Variants in TSSC4 observed in about 807,000 individuals in gnomAD.
The protein encoded by TSSC4 is U5 small nuclear ribonucleoprotein TSSC4.
For synonymous variants in TSSC4, 259 were observed against 197.9 expected, an observed-to-expected ratio of 1.31 and a Z score of -2.59; for missense variants, 500 against 443.9, an observed-to-expected ratio of 1.13 and a Z score of -1.14.
At chr11:2,402,265 G>A (rs1850168879) in intron 1 of TSSC4, 29 bp from the exon 2 acceptor site, 1 of 261,958 alleles carries the variant, frequency 3.8e-6, no homozygotes, top group Non-Finnish European at 7.4e-6. Flanking sequence ...TCTGAGGTTG[G>A]TCCTCTCCCC....
At position 2,403,311 on chromosome 11, in the gene TSSC4, C is replaced by G. The variant is rs2234279; in HGVS notation, c.678C>G (p.His226Gln). ...TKPVRGVEAR[H>Q]ERKRVLGKVG... ...CAGTCCGAGGGGTCGAAGCCAGACA[C>G]GAGAGGAAGAGGGTCCTGGGGAAGG... The change falls in exon 3 of 3, where the codon CAC becomes CAG. Residue 226 changes from histidine (H) to glutamine (Q), a missense_variant. Physicochemically the swap from His to Gln is conservative, Grantham distance 24. Transcript: ENST00000333256. The G allele has an allele frequency of 0.043, 68,677 of 1,612,150 alleles. 4,417 individuals carry two copies. The highest frequency in any genetic ancestry group is 0.3 in the African/African-American group (22,148 of 74,970).
In TSSC4 at chr11:2,403,738, G is replaced by A; in HGVS notation, c.*115G>A. On this transcript the variant is annotated 3_prime_UTR_variant, in exon 3 of 3. Transcript: ENST00000333256. ...TAGCTGGAATGGGAGGAAGCCTGCA[G>A]GTGGCACCGGTGGCCCTGGCTGCAG... is the stretch of plus-strand genomic sequence containing the variant. The A allele has an allele frequency of 9.1e-7, 1 of 1,103,132 alleles. No individual in the cohort carries two copies. The highest frequency in any genetic ancestry group is 1.2e-6 in the Non-Finnish European group (1 of 812,512). The allele number at this position is 1,103,132 out of a possible 1,614,324, so 68.3% of individuals were successfully genotyped here.
In TSSC4 at chr11:2,403,335, G is replaced by C; in HGVS notation, c.702G>C (p.Lys234Asn). The change falls in exon 3 of 3, where the codon AAG becomes AAC. Residue 234 changes from lysine to asparagine, a missense_variant. Transcript: ENST00000333256. ...ARHERKRVLG[K>N]VGEPGRGGLG... is the part of the protein sequence containing the mutation. ...ACGAGAGGAAGAGGGTCCTGGGGAA[G>C]GTGGGAGAGCCAGGCAGGGGCGGCC... The C allele has an allele frequency of 6.2e-7, 1 of 1,612,416 alleles. No homozygotes were observed. The highest frequency in any genetic ancestry group is 1.1e-5 in the South Asian group (1 of 90,938).
chr11:2,402,995 G>T lies in TSSC4; in HGVS notation c.362G>T (p.Gly121Val), dbSNP rs1279685891. The change falls in exon 3 of 3, where the codon GGC (glycine) becomes GTC (valine). Residue 121 changes from glycine to valine, a missense_variant. Gly to Val is a moderately radical substitution (Grantham distance 109). Transcript: ENST00000333256. The part of the protein sequence containing the change: ...VAHTSMSDNG[G>V]FKRPLAPSGR... ...CACACCAGCATGAGTGACAACGGAG[G>T]CTTCAAGCGGCCCCTAGCGCCCTCA... 3 of 1,608,332 alleles carry T rather than the reference G, an allele frequency of 1.9e-6. No homozygotes were observed. The highest frequency in any genetic ancestry group is 2.7e-5 in the African/African-American group (2 of 74,974).
Position 2,403,046 on chromosome 11 carries a change from G to T in TSSC4, c.413G>T (p.Gly138Val), listed in dbSNP as rs752244846. Residue 138 changes from glycine to valine, a missense_variant, in exon 3 of 3, where the codon GGC becomes GTC. Transcript: ENST00000333256. ...GGCCGGTCTCCAGTGGAAGGCCTGG[G>T]CAGGGCCCATCGGAGCCCTGCCTCA... ...PSGRSPVEGL[G>V]RAHRSPASPR... 4 of 1,609,130 alleles carry T rather than the reference G, an allele frequency of 2.5e-6. No individual in the cohort carries two copies. In the South Asian group the frequency reaches 4.4e-5, roughly 18 times the overall value.
chr11:2,401,394 C>T (rs1035461729), intron 1 of TSSC4: 5 of 152,370 alleles, frequency 3.3e-5, no homozygotes, highest in South Asian at 4.1e-4. Context: ...TTCCTGCCAG[C>T]TTTAAAACGG....
At position 2,403,305 on chromosome 11, in the gene TSSC4, C is replaced by T. The variant is rs1026375326; in HGVS notation, c.672C>T (p.Ala224=). The change falls in exon 3 of 3, where the codon GCC becomes GCT. Residue 224 remains alanine, a synonymous_variant. Transcript: ENST00000333256. ...CCAAACCAGTCCGAGGGGTCGAAGCCAGACACGAGAGGAAGAGGGTCCTGG... is the reference window on the plus strand; with the variant it reads ...CCAAACCAGTCCGAGGGGTCGAAGCTAGACACGAGAGGAAGAGGGTCCTGG... ...IFTKPVRGVE[A]RHERKRVLGK... The T allele has an allele frequency of 9.3e-6, 15 of 1,612,388 alleles. No individual in the cohort carries two copies. The highest frequency in any genetic ancestry group is 1.3e-5 in the Non-Finnish European group (15 of 1,179,542).
Position 2,403,506 on chromosome 11 carries a change from GT to G in TSSC4, c.874del (p.Ser292LeufsTer123). The G allele has an allele frequency of 6.2e-7, 1 of 1,600,320 alleles. No individual in the cohort carries two copies. Among genetic ancestry groups the G allele is most frequent in the South Asian group, 1.1e-5 (1 of 89,538 alleles). ...CACTGTCAGGGTCTGTCCACAGTGG[GT>G]CTGTGCCAGGTCTCCCGCCGGTGGA... is the stretch of plus-strand genomic sequence containing the variant. Reference protein sequence around the residue: ...EALSGSVHSGSVPGLPPVETV... With the variant: ...EALSGSVHSGXVPGLPPVETV... On this transcript the variant is annotated frameshift_variant, in exon 3 of 3. Coordinates refer to ENST00000333256, the MANE Select transcript of TSSC4 (RefSeq NM_005706.4). LOFTEE classifies it low-confidence loss of function (END_TRUNC).
Position 2,402,891 on chromosome 11 carries a change from C to G in TSSC4, c.258C>G (p.Ser86Arg), listed in dbSNP as rs1850194535. 6.2e-7 allele frequency: 1 copy of G among 1,612,040 alleles called. No homozygotes were observed. The highest frequency in any genetic ancestry group is 1.7e-5 in the Admixed American group (1 of 59,946). The part of the protein sequence containing the change: ...TVQPFHLRGM[S>R]STFSQRSRDI... ...AGCCATTCCATCTGAGAGGCATGAG[C>G]TCCACCTTCTCCCAGCGCAGCCGTG... The change falls in exon 3 of 3, where the codon AGC becomes AGG. Residue 86 changes from serine to arginine, a missense_variant. Coordinates refer to ENST00000333256, the MANE Select transcript of TSSC4 (RefSeq NM_005706.4).
At chr11:2,401,525 C>T (rs905628350) in intron 1 of TSSC4, 4 of 152,270 alleles carry the variant, frequency 2.6e-5, no homozygotes, top group African/African-American at 7.2e-5. Context: ...CACTAAGAGC[C>T]CCTGATAGTA....
chr11:2,403,268 G>C lies in TSSC4; in HGVS notation c.635G>C (p.Arg212Thr). The change falls in exon 3 of 3, where the codon AGG (arginine) becomes ACG (threonine). Residue 212 changes from arginine (R) to threonine (T), a missense_variant. Arg to Thr is a moderately conservative substitution (Grantham distance 71). Transcript: ENST00000333256. The stretch of plus-strand genomic sequence containing the variant: ...GATCCCTCCAGCTGTGGGGAGGGGA[G>C]GGTCATCTTCACCAAACCAGTCCGA... ...NQDPSSCGEGRVIFTKPVRGV... is the reference protein window; with the variant it reads ...NQDPSSCGEGTVIFTKPVRGV... The C allele has an allele frequency of 1.9e-6, 3 of 1,612,544 alleles. No individual in the cohort carries two copies. The highest frequency in any genetic ancestry group is 1.7e-6 in the Non-Finnish European group (2 of 1,179,608).
Position 2,403,647 on chromosome 11 carries a change from C to T in TSSC4, c.*24C>T. 1 of 1,478,384 alleles carries T rather than the reference C, an allele frequency of 6.8e-7. No individual in the cohort carries two copies. The highest frequency in any genetic ancestry group is 9.0e-7 in the Non-Finnish European group (1 of 1,114,500). The allele number at this position is 1,478,384 out of a possible 1,614,324, so 91.6% of individuals were successfully genotyped here. A position where few individuals can be genotyped will look rare whatever the true frequency, so the allele number is the denominator to read the frequency against. On this transcript the variant is annotated 3_prime_UTR_variant, in exon 3 of 3. Coordinates refer to ENST00000333256, the MANE Select transcript of TSSC4 (RefSeq NM_005706.4). ...GAGAGGGAGATGGCCCAGCCTGACC[C>T]CACTGGCCACTGCCATCCTGCTGCC...
intron 1 of TSSC4, chr11:2,401,143 C>A (rs957188229): frequency 1.3e-5 from 2 of 152,246 alleles, no homozygotes; most frequent in South Asian, 4.1e-4. Flanking sequence ...GGAGTCAACT[C>A]TACCTTCCAC....
rs535439369 is a variant in TSSC4, at chr11:2,401,864, C to T, written c.-180-430C>T. 1.8e-4 allele frequency: 27 copies of T among 152,298 alleles called. 1 individual carries two copies. The highest frequency in any genetic ancestry group is 6.3e-4 in the African/African-American group (26 of 41,550). The allele number at this position is 152,298 out of a possible 1,614,324, so 9.4% of individuals were successfully genotyped here. A position where few individuals can be genotyped will look rare whatever the true frequency, so the allele number is the denominator to read the frequency against. ...GGCTGCTCAAGGTGATGGTCGACAC[C>T]CCACTTTCCTGAGAGCTTGACCCTC... On this transcript the variant is annotated intron_variant, in intron 1 of 2. Coordinates refer to ENST00000333256, the MANE Select transcript of TSSC4 (RefSeq NM_005706.4).
Position 2,403,433 on chromosome 11 carries a change from A to T in TSSC4, c.800A>T (p.Glu267Val), listed in dbSNP as rs776140598. 1.3e-6 allele frequency: 2 copies of T among 1,593,270 alleles called. No individual in the cohort carries two copies. The highest frequency in any genetic ancestry group is 4.5e-5 in the East Asian group (2 of 44,586). The change falls in exon 3 of 3, where the codon GAG (glutamate) becomes GTG (valine). Residue 267 changes from glutamate to valine, a missense_variant. Transcript: ENST00000333256. ...CATCTGGCCGGGCCCGGGAGCCCAG[A>T]GGCTGAGGAGTGGGGCAGCCACCAT... ...LAHLAGPGSP[E>V]AEEWGSHHGG...
At position 2,403,226 on chromosome 11, in the gene TSSC4, T is replaced by C. The variant is rs749954838; in HGVS notation, c.593T>C (p.Val198Ala). ...AGCCTGGCTGCCCCCACTGACTGCG[T>C]GTCCTCCTTCAACCAGGATCCCTCC... ...SQSLAAPTDC[V>A]SSFNQDPSSC... Residue 198 changes from valine to alanine, a missense_variant, in exon 3 of 3, where the codon GTG becomes GCG. Coordinates refer to ENST00000333256, the MANE Select transcript of TSSC4 (RefSeq NM_005706.4). 3 of 1,612,850 alleles carry C rather than the reference T, an allele frequency of 1.9e-6. No individual in the cohort carries two copies. The highest frequency in any genetic ancestry group is 2.5e-6 in the Non-Finnish European group (3 of 1,179,944).
rs1413772389 is a variant in TSSC4 at position 2,403,111 on chromosome 11, G to A, written c.478G>A (p.Glu160Lys). Reference sequence around the variant, plus strand: ...GGTCCCCGACTACGTGGCACACCCCGAGCGCTGGACCAAGTACAGCCTGGA... The same window carrying A: ...GGTCCCCGACTACGTGGCACACCCCAAGCGCTGGACCAAGTACAGCCTGGA... ...PPVPDYVAHP[E>K]RWTKYSLEDV... is the part of the protein sequence containing the mutation. Residue 160 changes from glutamate to lysine, a missense_variant, in exon 3 of 3, where the codon GAG becomes AAG. By Grantham distance (56) the Glu-to-Lys change is moderately conservative (BLOSUM62 1). Transcript: ENST00000333256. 1.6e-5 allele frequency: 25 copies of A among 1,612,552 alleles called. No homozygotes were observed. Among genetic ancestry groups the A allele is most frequent in the East Asian group, 2.2e-5 (1 of 44,868 alleles).
In TSSC4 at chr11:2,403,752, C is replaced by A; in HGVS notation, c.*129C>A. The stretch of plus-strand genomic sequence containing the variant: ...GGAAGCCTGCAGGTGGCACCGGTGG[C>A]CCTGGCTGCAGTTCTGGGCAGCATC... On this transcript the variant is annotated 3_prime_UTR_variant, in exon 3 of 3. Transcript: ENST00000333256. 1 of 1,003,506 alleles carries A rather than the reference C, an allele frequency of 1.0e-6. No homozygotes were observed. Among genetic ancestry groups the A allele is most frequent in the Non-Finnish European group, 1.4e-6 (1 of 723,470 alleles). The allele number at this position is 1,003,506 out of a possible 1,614,324, so 62.2% of individuals were successfully genotyped here. A position where few individuals can be genotyped will look rare whatever the true frequency, so the allele number is the denominator to read the frequency against.
In TSSC4 at chr11:2,402,789, G is replaced by A; in HGVS notation, c.156G>A (p.Met52Ile). The change falls in exon 3 of 3, where the codon ATG (methionine) becomes ATA (isoleucine). Residue 52 changes from methionine to isoleucine, a missense_variant. By Grantham distance (10) the Met-to-Ile change is conservative (BLOSUM62 1). Transcript: ENST00000333256. ...CTGAAGTGGAAGCACTGTCCCCGAT[G>A]GGGCTGCCTGGGGAGGAGGATTCAG... The part of the protein sequence containing the change: ...GGAEVEALSP[M>I]GLPGEEDSGP... The A allele has an allele frequency of 6.3e-7, 1 of 1,574,808 alleles. No homozygotes were observed. Among genetic ancestry groups the A allele is most frequent in the Non-Finnish European group, 8.6e-7 (1 of 1,159,502 alleles).
Sources: gnomAD v4.1 joint callset for allele counts on GRCh38, gnomAD v4.1.1 for gene constraint, MANE v1.5 for transcripts, NCBI Gene and HGNC (gene_info 2026-07-23, HGNC 2026-07-21) for gene names.